Variants in APP observed in about 807,000 individuals in gnomAD.
APP encodes the protein amyloid-beta precursor protein.
In APP, 31 loss-of-function variants were observed where a neutral mutation model predicts 101.4. The ratio of observed to expected loss-of-function variants is 0.31; its 90% CI spans 0.23 to 0.41. The LOEUF is 0.41. Among genes scored for constraint, APP ranks in the 10% least tolerant of loss-of-function variants. APP has a pLI of 1.00. For synonymous variants in APP, 366 were observed against 364.4 expected (o/e 1.00, Z -0.05); for missense variants, 839 against 1,003.7 (o/e 0.84, Z 2.22).
chr21:25,907,445 C>T (rs1471768226), intron 14 of APP, among the ~76,000 whole-genome samples: 1 of 152,182 alleles, frequency 6.6e-6, no homozygotes, highest in Non-Finnish European at 1.5e-5. Flanking sequence ...CCAATTTTTC[C>T]AATTGACCTT....
intron 1 of APP, among the ~76,000 whole-genome samples, chr21:26,120,900 A>G (rs1005036537): frequency 6.6e-6 from 1 of 152,132 alleles, no homozygotes; most frequent in African/African-American, 2.4e-5. Flanking sequence ...TCATCACCAA[A>G]CATTCATGCT....
intron 8 of APP, among the ~76,000 whole-genome samples, chr21:25,988,197 G>T (rs1004801505): frequency 6.6e-6 from 1 of 152,116 alleles, no homozygotes; most frequent in Non-Finnish European, 1.5e-5. Context: ...CAAATTCCAC[G>T]AGACCCGCAT....
intron 8 of APP, among the ~76,000 whole-genome samples, chr21:25,982,916 A>G (rs1020712252): frequency 2.0e-5 from 3 of 147,048 alleles, no homozygotes; most frequent in Non-Finnish European, 4.5e-5. Flanking sequence ...AGCCTGTTGT[A>G]GAATAACGGC....
chr21:25,958,424 G>A (rs6516715), intron 11 of APP, among the ~76,000 whole-genome samples: 73,632 of 151,906 alleles, frequency 0.48, 20,690 homozygotes, highest in Non-Finnish European at 0.63. Context: ...CTACAGGCAC[G>A]TGCCACCATG....
intron 5 of APP, among the ~76,000 whole-genome samples, chr21:26,029,878 A>G (rs2830018): frequency 0.1 from 15,715 of 152,176 alleles, 1,272 homozygotes; most frequent in East Asian, 0.29. Flanking sequence ...AAAAATGACC[A>G]TTTAAAGTCA....
At chr21:25,916,443 C>T (rs2039353413) in intron 13 of APP, among the ~76,000 whole-genome samples, 1 of 152,232 alleles carries the variant, frequency 6.6e-6, no homozygotes, top group Non-Finnish European at 1.5e-5. Flanking sequence ...TTACCAGTGG[C>T]TTACACACTG....
chr21:26,068,492 CG>C (rs2046547464), intron 3 of APP, among the ~76,000 whole-genome samples: 1 of 151,940 alleles, frequency 6.6e-6, no homozygotes, highest in South Asian at 2.1e-4. Context: ...TCCAAGTAGC[CG>C]GGACTACCGG....
chr21:26,087,138 T>C (rs1488278220), intron 3 of APP, among the ~76,000 whole-genome samples: 1 of 152,234 alleles, frequency 6.6e-6, no homozygotes, highest in Non-Finnish European at 1.5e-5. Flanking sequence ...TACCAGGTTA[T>C]TTTATCAACT....
intron 13 of APP, among the ~76,000 whole-genome samples, chr21:25,943,323 T>C (rs1449438881): frequency 6.6e-6 from 1 of 151,844 alleles, no homozygotes; most frequent in Non-Finnish European, 1.5e-5. Context: ...GCCTGGATAA[T>C]TTTGTATTTT....
In APP at chr21:25,891,727, C is replaced by A; in HGVS notation, c.2206G>T (p.Val736Leu). 1 of 1,614,070 alleles carries A rather than the reference C, an allele frequency of 6.2e-7. No homozygotes were observed. The highest frequency in any genetic ancestry group is 8.5e-7 in the Non-Finnish European group (1 of 1,179,976). ...KQYTSIHHGVVEVDAAVTPEE... is the reference protein window; with the variant it reads ...KQYTSIHHGVLEVDAAVTPEE... ...ATGCAGTCAAGTTTACCTACCTCCA[C>A]CACACCATGATGAATGGATGTGTAC... Residue 736 changes from valine to leucine, a missense_variant, in exon 17 of 18, where the codon GTG (valine) becomes TTG (leucine). Coordinates refer to ENST00000346798, the MANE Select transcript of APP (RefSeq NM_000484.4).
chr21:26,051,218 T>C (rs1456260366), intron 4 of APP, 25 bp from the exon 5 acceptor site: 1 of 1,597,074 alleles, frequency 6.3e-7, no homozygotes, highest in South Asian at 1.1e-5. Context: ...GAGAAAACAG[T>C]GAGTGGTAGA....
chr21:25,895,539 G>T (rs1380934779), intron 16 of APP, among the ~76,000 whole-genome samples: 1 of 152,062 alleles, frequency 6.6e-6, no homozygotes, highest in Non-Finnish European at 1.5e-5. Context: ...TTATTGTGGT[G>T]TTCTGAAATT....
intron 6 of APP, among the ~76,000 whole-genome samples, chr21:26,004,938 T>C (rs1034093183): frequency 5.9e-5 from 9 of 152,124 alleles, no homozygotes; most frequent in African/African-American, 4.8e-5. Flanking sequence ...CTGCTGAGAA[T>C]GATGGTTTCC....
intron 1 of APP, among the ~76,000 whole-genome samples, chr21:26,167,487 T>C (rs1490912531): frequency 1.3e-5 from 2 of 152,176 alleles, no homozygotes; most frequent in African/African-American, 4.8e-5. Context: ...TCACTGATAG[T>C]TTAGTGGCCA....
intron 1 of APP, among the ~76,000 whole-genome samples, chr21:26,113,492 T>C (rs145877924): frequency 3.6e-4 from 55 of 152,364 alleles, no homozygotes; most frequent in African/African-American, 1.1e-3. Flanking sequence ...AGGTCTTAGA[T>C]TGAACCAAGT....
chr21:26,017,363 C>G (rs2044139683), intron 6 of APP, among the ~76,000 whole-genome samples: 1 of 146,494 alleles, frequency 6.8e-6, no homozygotes, highest in Non-Finnish European at 1.5e-5. Flanking sequence ...GAGGTTTGAA[C>G]TCAGGAGTTT....
chr21:25,911,705 T>C (rs2039078765), intron 14 of APP, 36 bp downstream of exon 14: 1 of 1,586,758 alleles, frequency 6.3e-7, no homozygotes, highest in South Asian at 1.1e-5. Flanking sequence ...TATATATACC[T>C]CCCAGAACGC....
intron 13 of APP, among the ~76,000 whole-genome samples, chr21:25,950,073 C>T (rs2040997964): frequency 6.6e-6 from 1 of 152,208 alleles, no homozygotes; most frequent in Non-Finnish European, 1.5e-5. Flanking sequence ...GAGGGCTTGG[C>T]TCCTTGAGTG....
rs763057681 is a variant in APP, at chr21:25,911,950, T to C, written c.1700A>G (p.Gln567Arg). 6.2e-7 allele frequency: 1 copy of C among 1,614,052 alleles called. No homozygotes were observed. Among genetic ancestry groups the C allele is most frequent in the South Asian group, 1.1e-5 (1 of 91,070 alleles). The change falls in exon 14 of 18, where the codon CAG becomes CGG. Residue 567 changes from glutamine to arginine, a missense_variant. Transcript: ENST00000346798. The part of the protein sequence containing the change: ...EIQDEVDELL[Q>R]KEQNYSDDVL... ...GTCATCTGAATAGTTTTGCTCTTTC[T>C]GAAGCAGCTCATCTAAACCAAACAA... is the stretch of plus-strand genomic sequence containing the variant.
Sources: allele counts gnomAD v4.1 joint callset (sites outside exome capture counted in the v4.1 genomes callset), GRCh38; gene constraint gnomAD v4.1.1; transcripts MANE v1.5; gene names NCBI Gene and HGNC (gene_info 2026-07-23, HGNC 2026-07-21).